CNTN3: variants seen among roughly 807,000 people sequenced by gnomAD.
CNTN3 encodes the protein contactin 3.
A neutral mutation model predicts 119.1 loss-of-function variants in CNTN3; 60 were observed. The observed-to-expected ratio is 0.50, with a 90% CI of 0.41 to 0.62. CNTN3 has a LOEUF of 0.62. CNTN3 is among the 20% of genes least tolerant of loss of function. The pLI is 0.00. For synonymous variants in CNTN3, 450 were observed against 438.7 expected (o/e 1.03, Z -0.32); for missense variants, 1,101 against 1,242.4 (o/e 0.89, Z 1.71).
At chr3:74,465,010 C>G (rs1243199104) in intron 4 of CNTN3, among the ~76,000 whole-genome samples, 3 of 152,138 alleles carry the variant, frequency 2.0e-5, no homozygotes, top group Non-Finnish European at 4.4e-5. Flanking sequence ...AATTTGAAAA[C>G]AAAATCCACA....
intron 11 of CNTN3, among the ~76,000 whole-genome samples, chr3:74,352,985 G>T (rs187090309): frequency 6.6e-6 from 1 of 152,102 alleles, no homozygotes; most frequent in African/African-American, 2.4e-5. Context: ...TTGGATGAAG[G>T]GGGCAGTGGA....
intron 13 of CNTN3, among the ~76,000 whole-genome samples, chr3:74,317,522 G>C (rs1294578023): frequency 2.6e-5 from 4 of 151,938 alleles, no homozygotes; most frequent in Non-Finnish European, 5.9e-5. Context: ...AGCTCTTTTA[G>C]GGCAGGCCTG....
At chr3:74,610,900 C>T (rs2106718701) in intron 1 of CNTN3, among the ~76,000 whole-genome samples, 1 of 152,276 alleles carries the variant, frequency 6.6e-6, no homozygotes, top group African/African-American at 2.4e-5. Context: ...GTGATGGTGT[C>T]AAGATTTACC....
intron 5 of CNTN3, among the ~76,000 whole-genome samples, chr3:74,375,846 G>A (rs763204454): frequency 1.3e-5 from 2 of 152,198 alleles, no homozygotes; most frequent in Non-Finnish European, 2.9e-5. Context: ...AGAACTGTAA[G>A]AGAATAAATT....
At chr3:74,574,507 T>C (rs1692655046) in intron 1 of CNTN3, among the ~76,000 whole-genome samples, 1 of 152,228 alleles carries the variant, frequency 6.6e-6, no homozygotes, top group African/African-American at 2.4e-5. Flanking sequence ...TTATGTTTCA[T>C]TAAATTAAAC....
intron 4 of CNTN3, among the ~76,000 whole-genome samples, chr3:74,432,947 T>A (rs560374724): frequency 6.6e-6 from 1 of 152,216 alleles, no homozygotes; most frequent in East Asian, 1.9e-4. Context: ...TCAACAAAAG[T>A]TCAATAGTGT....
intron 21 of CNTN3, 24 bp from the exon 22 acceptor site, chr3:74,266,673 T>A: frequency 1.9e-6 from 3 of 1,601,492 alleles, no homozygotes; most frequent in Non-Finnish European, 2.6e-6. Flanking sequence ...ACAAATACAC[T>A]TACTTGTTAT....
At chr3:74,359,341 T>G (rs1418415261) in intron 11 of CNTN3, among the ~76,000 whole-genome samples, 1 of 152,200 alleles carries the variant, frequency 6.6e-6, no homozygotes, top group Non-Finnish European at 1.5e-5. Context: ...GGCTAAATCC[T>G]GATTTTGCAG....
At chr3:74,350,390 T>C (rs1016642158) in intron 11 of CNTN3, among the ~76,000 whole-genome samples, 1 of 152,094 alleles carries the variant, frequency 6.6e-6, no homozygotes, top group African/African-American at 2.4e-5. Flanking sequence ...CTCACACCAG[T>C]CAGAATGGCT....
At chr3:74,518,196 A>G (rs1051280038) in intron 2 of CNTN3, among the ~76,000 whole-genome samples, 6 of 151,988 alleles carry the variant, frequency 3.9e-5, no homozygotes, top group Admixed American at 2.0e-4. Context: ...AAAATATCCA[A>G]TATGCGGAGT....
chr3:74,368,442 T>C (rs1704250810), intron 8 of CNTN3, among the ~76,000 whole-genome samples: 3 of 152,100 alleles, frequency 2.0e-5, no homozygotes, highest in South Asian at 4.1e-4. Flanking sequence ...CAAATATATA[T>C]TCACTGAGCT....
At chr3:74,351,736 G>C (rs1201368424) in intron 11 of CNTN3, among the ~76,000 whole-genome samples, 1 of 152,132 alleles carries the variant, frequency 6.6e-6, no homozygotes, top group African/African-American at 2.4e-5. Context: ...AGTATATGCT[G>C]GTGGTGGAGG....
At chr3:74,352,406 T>C (rs72894341) in intron 11 of CNTN3, among the ~76,000 whole-genome samples, 3,767 of 152,294 alleles carry the variant, frequency 0.025, 159 homozygotes, top group African/African-American at 0.087. Context: ...GGATGGAATG[T>C]CCAGTGTGCT....
At chr3:74,526,487 T>C (rs1703621025) in intron 1 of CNTN3, among the ~76,000 whole-genome samples, 1 of 151,840 alleles carries the variant, frequency 6.6e-6, no homozygotes, top group African/African-American at 2.4e-5. Context: ...CACTCATCCA[T>C]AATCTTCACA....
chr3:74,511,141 T>C (rs1200853573), intron 2 of CNTN3, among the ~76,000 whole-genome samples: 1 of 152,042 alleles, frequency 6.6e-6, no homozygotes, highest in Admixed American at 6.6e-5. Flanking sequence ...TTGAATGGCT[T>C]CATTTAAAAA....
intron 1 of CNTN3, among the ~76,000 whole-genome samples, chr3:74,598,658 T>C (rs1704852666): frequency 6.6e-6 from 1 of 152,020 alleles, no homozygotes; most frequent in Non-Finnish European, 1.5e-5. Flanking sequence ...AAGAAATTCA[T>C]ACTAATTCTA....
Position 74,407,925 on chromosome 3 carries a change from A to G in CNTN3, c.454+16920T>C, listed in dbSNP as rs142494068. ...TTCTCTCTCCTGTATGATAGGAAAC[A>G]TATCACAGAGGCCATATGCACAATA... On this transcript the variant is annotated intron_variant, in intron 5 of 22. Coordinates refer to ENST00000263665, the MANE Select transcript of CNTN3 (RefSeq NM_020872.3). 9.8e-5 allele frequency among the ~76,000 whole-genome samples: 15 copies of G among 152,290 alleles called. No individual in the cohort carries two copies. In the East Asian group the frequency reaches 2.9e-3, roughly 29 times the overall value.
Position 74,355,960 on chromosome 3 carries a change from A to T in CNTN3, c.1364+5930T>A, listed in dbSNP as rs563401766. On this transcript the variant is annotated intron_variant, in intron 11 of 22. Transcript: ENST00000263665. ...ACCTTAAAATGGAGGCCCATTGAAC[A>T]ATCAGTTACTCAAGTACCTGCTATG... Among the ~76,000 whole-genome samples the T allele has an allele frequency of 1.9e-3, 293 of 152,096 alleles. 2 individuals are homozygous for T. The highest frequency in any genetic ancestry group is 6.4e-3 in the African/African-American group (264 of 41,402).
intron 4 of CNTN3, among the ~76,000 whole-genome samples, chr3:74,435,133 C>T (rs958524831): frequency 2.0e-5 from 3 of 152,154 alleles, no homozygotes; most frequent in Admixed American, 6.5e-5. Context: ...CCATTTATCT[C>T]TGATTTTGCA....
Sources: allele counts gnomAD v4.1 joint callset (sites outside exome capture counted in the v4.1 genomes callset), GRCh38; gene constraint gnomAD v4.1.1; transcripts MANE v1.5; gene names NCBI Gene and HGNC (gene_info 2026-07-23, HGNC 2026-07-21).